Variants in DGKI observed in about 807,000 individuals in gnomAD.
DGKI encodes DAG kinase iota.
DGKI carries 55 observed loss-of-function variants against 147.5 expected under a neutral mutation model. The observed-to-expected ratio is 0.37, with a 90% CI of 0.30 to 0.47. DGKI has a LOEUF of 0.47. Ranked by LOEUF, DGKI falls within the 20% of genes least tolerant of loss-of-function variation. The pLI is 1.00. For missense variants in DGKI, 1,007 were observed against 1,323.8 expected, an observed-to-expected ratio of 0.76 and a Z score of 3.71; for synonymous variants, 469 against 477.1, an observed-to-expected ratio of 0.98 and a Z score of 0.22.
chr7:137,392,812 C>T (rs775658287), intron 32 of DGKI, among the ~76,000 whole-genome samples: 7 of 151,482 alleles, frequency 4.6e-5, no homozygotes, highest in Non-Finnish European at 8.8e-5. Flanking sequence ...AGGAACTGAA[C>T]TCTAATAGGA....
intron 28 of DGKI, among the ~76,000 whole-genome samples, chr7:137,417,175 C>T (rs533450124): frequency 2.0e-5 from 3 of 152,284 alleles, no homozygotes; most frequent in African/African-American, 7.2e-5. Flanking sequence ...TTTCTCAAAA[C>T]TCCTTCATAC....
intron 20 of DGKI, among the ~76,000 whole-genome samples, chr7:137,537,842 T>G (rs952464606): frequency 6.6e-6 from 1 of 152,178 alleles, no homozygotes; most frequent in African/African-American, 2.4e-5. Flanking sequence ...AAGGCATGCA[T>G]GTAAATTTCC....
chr7:137,571,137 A>G (rs1818779740), intron 19 of DGKI, 38 bp downstream of exon 19: 1 of 1,469,018 alleles, frequency 6.8e-7, no homozygotes, highest in Non-Finnish European at 9.3e-7. Context: ...CTGTGACTAA[A>G]ATACATTTCA....
intron 1 of DGKI, among the ~76,000 whole-genome samples, chr7:137,736,944 A>G (rs1191172086): frequency 6.6e-6 from 1 of 152,078 alleles, no homozygotes; most frequent in Non-Finnish European, 1.5e-5. Context: ...GGCTTTAAAT[A>G]ATAATCTTTG....
chr7:137,610,168 G>C (rs924148386), intron 8 of DGKI, among the ~76,000 whole-genome samples: 5 of 151,786 alleles, frequency 3.3e-5, no homozygotes, highest in Admixed American at 6.6e-5. Context: ...TCAGTTGTCT[G>C]ACATGTAAAA....
At chr7:137,744,796 T>C (rs1175978858) in intron 1 of DGKI, among the ~76,000 whole-genome samples, 1 of 152,158 alleles carries the variant, frequency 6.6e-6, no homozygotes, top group Non-Finnish European at 1.5e-5. Flanking sequence ...CAAAACCATG[T>C]GATCATCTCA....
At chr7:137,599,521 A>G (rs956665963) in intron 11 of DGKI, among the ~76,000 whole-genome samples, 5 of 152,220 alleles carry the variant, frequency 3.3e-5, no homozygotes, top group African/African-American at 1.2e-4. Context: ...AGAAATAGAA[A>G]AACAATGAGT....
At chr7:137,603,861 C>T (rs561401270) in intron 10 of DGKI, among the ~76,000 whole-genome samples, 17 of 152,174 alleles carry the variant, frequency 1.1e-4, no homozygotes, top group South Asian at 4.2e-4. Flanking sequence ...CAGGGAGTTG[C>T]GAGAGAGGAG....
intron 1 of DGKI, among the ~76,000 whole-genome samples, chr7:137,799,025 A>AT (rs546877218): frequency 1.1e-4 from 17 of 152,286 alleles, no homozygotes; most frequent in South Asian, 8.3e-4. Context: ...AAGGACATCT[A>AT]TTTTTTTAAA....
intron 16 of DGKI, among the ~76,000 whole-genome samples, chr7:137,577,679 C>A (rs1457940579): frequency 1.3e-5 from 2 of 152,146 alleles, no homozygotes; most frequent in African/African-American, 4.8e-5. Context: ...GTATGCAGCT[C>A]CCAAACGCCT....
chr7:137,420,969 A>C (rs1352917177), intron 28 of DGKI, among the ~76,000 whole-genome samples: 1 of 152,184 alleles, frequency 6.6e-6, no homozygotes, highest in Non-Finnish European at 1.5e-5. Flanking sequence ...CAGTGAGCCG[A>C]GATCACGCCA....
At chr7:137,700,218 T>G (rs1054871940) in intron 1 of DGKI, among the ~76,000 whole-genome samples, 6 of 152,188 alleles carry the variant, frequency 3.9e-5, no homozygotes, top group Admixed American at 3.3e-4. Context: ...ACAGAAGTCA[T>G]CCCAGATGAT....
At chr7:137,470,563 C>T (rs979356746) in intron 23 of DGKI, among the ~76,000 whole-genome samples, 3 of 151,836 alleles carry the variant, frequency 2.0e-5, no homozygotes, top group African/African-American at 7.3e-5. Flanking sequence ...ATTTTTATTT[C>T]ATTTATATTT....
intron 17 of DGKI, among the ~76,000 whole-genome samples, chr7:137,574,471 T>C (rs1818902005): frequency 6.6e-6 from 1 of 152,186 alleles, no homozygotes; most frequent in Admixed American, 6.5e-5. Flanking sequence ...AGCATTATGG[T>C]TGCATTGCAG....
chr7:137,782,186 T>C (rs1312998560), intron 1 of DGKI, among the ~76,000 whole-genome samples: 1 of 152,156 alleles, frequency 6.6e-6, no homozygotes. Context: ...GGAAGGCTCA[T>C]GGTCTGGGAC....
At chr7:137,479,852 T>C (rs754000048) in intron 23 of DGKI, among the ~76,000 whole-genome samples, 1 of 152,154 alleles carries the variant, frequency 6.6e-6, no homozygotes, top group African/African-American at 2.4e-5. Flanking sequence ...ATCCATTTTT[T>C]TAACATAATG....
intron 31 of DGKI, among the ~76,000 whole-genome samples, chr7:137,396,585 G>C (rs1216766175): frequency 6.6e-6 from 1 of 152,216 alleles, no homozygotes; most frequent in Non-Finnish European, 1.5e-5. Context: ...TCTATGGAGT[G>C]ATAGACAGCT....
At chr7:137,436,188 T>TA (rs534264277) in intron 28 of DGKI, among the ~76,000 whole-genome samples, 62 of 152,234 alleles carry the variant, frequency 4.1e-4, no homozygotes, top group African/African-American at 1.3e-3. Flanking sequence ...CTCTACTATT[T>TA]AAAAAAATGA....
chr7:137,797,079 A>G (rs1392707579), intron 1 of DGKI, among the ~76,000 whole-genome samples: 2 of 152,236 alleles, frequency 1.3e-5, no homozygotes, highest in Non-Finnish European at 2.9e-5. Context: ...ATAATATGCC[A>G]GCAATCTTCA....
Sources: gnomAD v4.1 joint callset for allele counts (sites outside exome capture counted in the v4.1 genomes callset) on GRCh38, gnomAD v4.1.1 for gene constraint, MANE v1.5 for transcripts, NCBI Gene and HGNC (gene_info 2026-07-23, HGNC 2026-07-21) for gene names.